Variants in FANCG observed in about 807,000 individuals in gnomAD.
FANCG encodes the protein FA complementation group G.
In FANCG, 67 loss-of-function variants were observed where a neutral mutation model predicts 73.3. The observed-to-expected ratio is 0.91, with a 90% confidence interval of 0.75 to 1.12. The LOEUF is 1.12. FANCG is among the 50% of genes most tolerant of loss of function. FANCG has a pLI of 0.00. For missense variants in FANCG, 643 were observed against 735.6 expected (o/e 0.87, Z 1.46); for synonymous variants, 297 against 311.6 (o/e 0.95, Z 0.49).
At position 35,079,172 on chromosome 9, in the gene FANCG, C is replaced by A. The variant is rs1829138866; in HGVS notation, c.154G>T (p.Gly52Trp). ...LAQDALEGLRGLLHSLQGLPA... is the reference protein window; with the variant it reads ...LAQDALEGLRWLLHSLQGLPA... ...CTACCTTGCAGACTATGGAGGAGCC[C>A]TCTGAGCCCTTCCAGTGCATCCTGA... Residue 52 changes from glycine (G) to tryptophan (W), a missense_variant, in exon 2 of 14, where the codon GGG (glycine) becomes TGG (tryptophan). Transcript: ENST00000378643. 6.2e-7 allele frequency: 1 copy of A among 1,608,068 alleles called. No homozygotes were observed. The highest frequency in any genetic ancestry group is 8.5e-7 in the Non-Finnish European group (1 of 1,177,364).
chr9:35,074,782 G>A, intron 12 of FANCG, 145 bp downstream of exon 12: 2 of 1,066,814 alleles, frequency 1.9e-6, no homozygotes, highest in Non-Finnish European at 1.4e-6. Flanking sequence ...TGAACACCTG[G>A]ATATATCCCT....
chr9:35,078,939 C>T (rs556432314), intron 2 of FANCG, among the ~76,000 whole-genome samples: 1 of 152,204 alleles, frequency 6.6e-6, no homozygotes, highest in African/African-American at 2.4e-5. Context: ...CCAGATCAGA[C>T]CATCTTGGAA....
In FANCG at chr9:35,079,185, C is replaced by A; in HGVS notation, c.141G>T (p.Leu47=). The change falls in exon 2 of 14, where the codon CTG becomes CTT. Residue 47 remains leucine (L), a synonymous_variant. Coordinates refer to ENST00000378643, the MANE Select transcript of FANCG (RefSeq NM_004629.2). ...LRRQQLAQDA[L]EGLRGLLHSL... ...TATGGAGGAGCCCTCTGAGCCCTTC[C>A]AGTGCATCCTGAGCCAACTGCTGTC... is the stretch of plus-strand genomic sequence containing the variant. 6.2e-7 allele frequency: 1 copy of A among 1,608,702 alleles called. No individual in the cohort carries two copies. Among genetic ancestry groups the A allele is most frequent in the South Asian group, 1.1e-5 (1 of 90,058 alleles).
chr9:35,074,651 T>C, intron 12 of FANCG, 157 bp from the exon 13 acceptor site: 1 of 1,037,868 alleles, frequency 9.6e-7, no homozygotes, highest in Non-Finnish European at 1.4e-6. Flanking sequence ...CCCATCCCAG[T>C]GTCCATCATC....
Position 35,078,658 on chromosome 9 carries a change from G to C in FANCG, c.254C>G (p.Ala85Gly). 6.2e-7 allele frequency: 1 copy of C among 1,614,132 alleles called. No individual in the cohort carries two copies. Among genetic ancestry groups the C allele is most frequent in the Non-Finnish European group, 8.5e-7 (1 of 1,180,030 alleles). Residue 85 changes from alanine (A) to glycine (G), a missense_variant, in exon 3 of 14, where the codon GCC becomes GGC. By Grantham distance (60) the Ala-to-Gly change is moderately conservative. Transcript: ENST00000378643. ...CNFIILRASL[A>G]QGFTEDQAQD... ...GGCCTGATCCTCTGTGAAACCCTGG[G>C]CCAAGCTTGCCCTCAGGATAATGAA...
Position 35,076,856 on chromosome 9 carries a change from T to G in FANCG, c.792A>C (p.Arg264Ser), listed in dbSNP as rs1295034264. ...GGGCTGCAACCAAGTACAACAGTGC[T>G]CTCTGTGGATTTCCCTAAAGGGATA... ...SCHRKMGNPQ[R>S]ALLYLVAALK... Residue 264 changes from arginine (R) to serine (S), a missense_variant, in exon 7 of 14, where the codon AGA becomes AGC. Physicochemically the swap from Arg to Ser is moderately radical, Grantham distance 110. Coordinates refer to ENST00000378643, the MANE Select transcript of FANCG (RefSeq NM_004629.2). 1.2e-6 allele frequency: 2 copies of G among 1,614,174 alleles called. No individual in the cohort carries two copies.
chr9:35,078,585 G>A lies in FANCG; in HGVS notation c.307+20C>T. On this transcript the variant is annotated intron_variant, in intron 3 of 13. Coordinates refer to ENST00000378643, the MANE Select transcript of FANCG (RefSeq NM_004629.2). The stretch of plus-strand genomic sequence containing the variant: ...AGACTGAAGATGGCAGGGGAATCAG[G>A]GACAATCTCTGGCCCTCACCTCTCT... The A allele has an allele frequency of 6.2e-7, 1 of 1,614,112 alleles. No individual in the cohort carries two copies. Among genetic ancestry groups the A allele is most frequent in the Non-Finnish European group, 8.5e-7 (1 of 1,180,026 alleles).
chr9:35,076,180 A>G, intron 8 of FANCG, 152 bp from the exon 9 acceptor site: 2 of 867,880 alleles, frequency 2.3e-6, no homozygotes, highest in African/African-American at 1.7e-5. Context: ...ATTTTGGCTC[A>G]GTATGGATCT....
rs760359166 is a variant in FANCG at position 35,074,123 on chromosome 9, C to G, written c.1854G>C (p.Lys618Asn). Reference sequence around the variant, plus strand: ...AACGTGGCAGCTACAGGTCACAAGACTTTGGCAGAGATGTCCGAAATTCTT... The same window carrying G: ...AACGTGGCAGCTACAGGTCACAAGAGTTTGGCAGAGATGTCCGAAATTCTT... ...FLEEFRTSLP[K>N]SCDL The change falls in exon 14 of 14, where the codon AAG becomes AAC. Residue 618 changes from lysine (K) to asparagine (N), a missense_variant. By Grantham distance (94) the Lys-to-Asn change is moderately conservative. Transcript: ENST00000378643. 6.2e-7 allele frequency: 1 copy of G among 1,614,140 alleles called. No homozygotes were observed. The highest frequency in any genetic ancestry group is 1.1e-5 in the South Asian group (1 of 91,074).
Position 35,078,326 on chromosome 9 carries a change from G to A in FANCG, c.325C>T (p.Gln109Ter). The change falls in exon 4 of 14, where the codon CAG (glutamine) becomes TAG (stop). Residue 109 changes from glutamine to a stop codon, truncating the protein, a stop_gained. Transcript: ENST00000378643. LOFTEE classifies it high-confidence loss of function. ...CCCTGTTCCAACCTGGGCCCCTGCT[G>A]CTCCTGTGTCTCCAGCACTGTAGAG... is the stretch of plus-strand genomic sequence containing the variant. Reference protein sequence around the residue: ...SLERVLETQEQQGPRLEQGLR... With the variant: ...SLERVLETQE 1 of 1,613,566 alleles carries A rather than the reference G, an allele frequency of 6.2e-7. No homozygotes were observed. The highest frequency in any genetic ancestry group is 8.5e-7 in the Non-Finnish European group (1 of 1,179,986).
At position 35,075,737 on chromosome 9, in the gene FANCG, G is replaced by T; in HGVS notation, c.1161C>A (p.Ser387=). 6.6e-6 allele frequency: 4 copies of T among 601,956 alleles called. No homozygotes were observed. Among genetic ancestry groups the T allele is most frequent in the South Asian group, 1.4e-5 (1 of 71,192 alleles). The allele number at this position is 601,956 out of a possible 1,614,324, so 37.3% of individuals were successfully genotyped here. ...SSEPRFSPPP[S]PPGPCMPEVF... is the part of the protein sequence containing the mutation. Reference sequence around the variant, plus strand: ...CCTCAGGCATACAGGGCCCTGGAGGGGAGGGGGGTGGGGAGAACTGGAGTG... The same window carrying T: ...CCTCAGGCATACAGGGCCCTGGAGGTGAGGGGGGTGGGGAGAACTGGAGTG... Residue 387 remains serine (S), a synonymous_variant, in exon 10 of 14, where the codon TCC becomes TCA. Coordinates refer to ENST00000378643, the MANE Select transcript of FANCG (RefSeq NM_004629.2).
chr9:35,074,583 A>G (rs1462759359), intron 12 of FANCG, 89 bp from the exon 13 acceptor site: 1 of 1,556,654 alleles, frequency 6.4e-7, no homozygotes, highest in Non-Finnish European at 8.8e-7. Context: ...GCCTAGAGAG[A>G]GGAAGTATCT....
rs1829051384 is a variant in FANCG, at chr9:35,074,795, G to T, written c.1636+132C>A. 5 of 1,169,996 alleles carry T rather than the reference G, an allele frequency of 4.3e-6. No individual in the cohort carries two copies. In the South Asian group the frequency reaches 4.9e-5, roughly 12 times the overall value. The allele number at this position is 1,169,996 out of a possible 1,614,324, so 72.5% of individuals were successfully genotyped here. ...TTTGAACACCTGGATATATCCCTAG[G>T]TATATATAGCACAACCCCAATCACC... On this transcript the variant is annotated intron_variant, in intron 12 of 13. Coordinates refer to ENST00000378643, the MANE Select transcript of FANCG (RefSeq NM_004629.2).
Position 35,075,323 on chromosome 9 carries a change from C to G in FANCG, c.1436G>C (p.Cys479Ser). 1 of 1,614,126 alleles carries G rather than the reference C, an allele frequency of 6.2e-7. No individual in the cohort carries two copies. Among genetic ancestry groups the G allele is most frequent in the Non-Finnish European group, 8.5e-7 (1 of 1,180,022 alleles). ...TGTGGCCCGGAAGAGCAGCTCGAGG[C>G]ACCTGAAGTAGGACACAGAACAGGG... Reference protein sequence around the residue: ...QKVAISEFSRCLELLFRATPE... With the variant: ...QKVAISEFSRSLELLFRATPE... Residue 479 changes from cysteine (C) to serine (S), a missense_variant and splice_region_variant, in exon 11 of 14, where the codon TGC (cysteine) becomes TCC (serine). By Grantham distance (112) the Cys-to-Ser change is moderately radical. Transcript: ENST00000378643.
In FANCG at chr9:35,075,478, T is replaced by C. The variant is rs927127258; in HGVS notation, c.1420A>G (p.Ser474Gly). The C allele has an allele frequency of 1.9e-6, 3 of 1,614,090 alleles. No homozygotes were observed. Among genetic ancestry groups the C allele is most frequent in the Admixed American group, 3.3e-5 (2 of 60,012 alleles). ...VQLGAQKVAI[S>G]EFSRCLELLF... ...CCCCGGGCTCACCTGCTAAATTCAC[T>C]AATTGCCACTTTTTGGGCACCCAGT... Residue 474 changes from serine (S) to glycine (G), a missense_variant, in exon 10 of 14, where the codon AGT becomes GGT. Transcript: ENST00000378643.
chr9:35,078,313 C>T lies in FANCG; in HGVS notation c.338G>A (p.Arg113Lys), dbSNP rs778894219. The change falls in exon 4 of 14, where the codon AGG becomes AAG. Residue 113 changes from arginine (R) to lysine (K), a missense_variant. Physicochemically the swap from Arg to Lys is conservative, Grantham distance 26. Coordinates refer to ENST00000378643, the MANE Select transcript of FANCG (RefSeq NM_004629.2). The stretch of plus-strand genomic sequence containing the variant: ...CAGCTCCCTGAGCCCCTGTTCCAAC[C>T]TGGGCCCCTGCTGCTCCTGTGTCTC... ...VLETQEQQGP[R>K]LEQGLRELWD... 2.0e-5 allele frequency: 32 copies of T among 1,613,724 alleles called. No homozygotes were observed. The highest frequency in any genetic ancestry group is 2.5e-5 in the Non-Finnish European group (30 of 1,180,018).
rs544025931 is a variant in FANCG, at chr9:35,077,082, T to C, written c.666A>G (p.Thr222=). 1.1e-5 allele frequency: 18 copies of C among 1,614,176 alleles called. No individual in the cohort carries two copies. The South Asian group carries it at 1.9e-4, about 17-fold the overall frequency. ...AYRQGLQELI[T]GNPDKALSSL... is the part of the protein sequence containing the mutation. The stretch of plus-strand genomic sequence containing the variant: ...TGCTTAGTGCCTTGTCTGGGTTCCC[T>C]GTGATCAGCTCCTGGAGACCTGAGG... Residue 222 remains threonine, a synonymous_variant, in exon 6 of 14, where the codon ACA becomes ACG. Coordinates refer to ENST00000378643, the MANE Select transcript of FANCG (RefSeq NM_004629.2).
chr9:35,074,335 G>A (rs2131051603), intron 13 of FANCG, 36 bp downstream of exon 13: 1 of 1,614,094 alleles, frequency 6.2e-7, no homozygotes. Context: ...GACACCAACT[G>A]CCCCTCAGCC....
intron 4 of FANCG, 108 bp downstream of exon 4, chr9:35,078,032 AC>A: frequency 8.9e-7 from 1 of 1,128,630 alleles, no homozygotes; most frequent in Non-Finnish European, 1.3e-6. Flanking sequence ...AGGTTTTCCG[AC>A]CACCAACCCA....
Sources: allele counts gnomAD v4.1 joint callset (sites outside exome capture counted in the v4.1 genomes callset), GRCh38; gene constraint gnomAD v4.1.1; transcripts MANE v1.5; gene names NCBI Gene and HGNC (gene_info 2026-07-23, HGNC 2026-07-21).